BICC1: variants seen among roughly 807,000 people sequenced by gnomAD.
BICC1 encodes the protein protein bicaudal C homolog 1.
In BICC1, 43 loss-of-function variants were observed where a neutral mutation model predicts 111.0. The observed-to-expected ratio is 0.39, with a 90% confidence interval of 0.30 to 0.50. The LOEUF is 0.50. Among genes scored for constraint, BICC1 ranks in the 20% least tolerant of loss-of-function variants. The probability of loss-of-function intolerance (pLI) is 0.88; values close to 1 mark genes in which losing one functional copy is unlikely to be tolerated. For synonymous variants in BICC1, 467 were observed against 434.4 expected (o/e 1.07, Z -0.93); for missense variants, 1,091 against 1,203.2 (o/e 0.91, Z 1.38).
intron 18 of BICC1, among the ~76,000 whole-genome samples, chr10:58,814,559 T>C (rs1025762901): frequency 3.4e-5 from 5 of 148,848 alleles, no homozygotes; most frequent in African/African-American, 1.2e-4. Flanking sequence ...GGTGAGTTGA[T>C]AGCTTGAGCC....
intron 3 of BICC1, among the ~76,000 whole-genome samples, chr10:58,759,053 G>A (rs1036865717): frequency 8.6e-5 from 13 of 151,778 alleles, no homozygotes; most frequent in South Asian, 2.1e-4. Context: ...TCTGTCTCCC[G>A]GGTTCAAGTG....
intron 3 of BICC1, among the ~76,000 whole-genome samples, chr10:58,732,353 ATGTGTGTG>A (rs371077730): frequency 2.4e-5 from 2 of 82,158 alleles, no homozygotes; most frequent in East Asian, 7.5e-4. Flanking sequence ...AGAGGAGTGT[ATGTGTGTG>A]TGTGTGTGTG....
chr10:58,583,574 TTCTC>T (rs370334520), intron 1 of BICC1, among the ~76,000 whole-genome samples: 3 of 137,128 alleles, frequency 2.2e-5, no homozygotes, highest in African/African-American at 8.9e-5. Context: ...CTGAGTAGTA[TTCTC>T]TCTCTCTGTG....
chr10:58,801,408 G>A (rs1843543210), intron 14 of BICC1, among the ~76,000 whole-genome samples: 1 of 152,086 alleles, frequency 6.6e-6, no homozygotes, highest in Non-Finnish European at 1.5e-5. Flanking sequence ...ATTTGGCTTT[G>A]AATTTCTTTC....
At chr10:58,809,322 C>CT (rs1340219435) in intron 17 of BICC1, among the ~76,000 whole-genome samples, 1 of 151,940 alleles carries the variant, frequency 6.6e-6, no homozygotes, top group Non-Finnish European at 1.5e-5. Flanking sequence ...GTGTGAGGTT[C>CT]TTTTAAGTTT....
chr10:58,789,696 G>A lies in BICC1; in HGVS notation c.810G>A (p.Met270Ile). The A allele has an allele frequency of 6.2e-7, 1 of 1,614,110 alleles. No homozygotes were observed. The highest frequency in any genetic ancestry group is 1.1e-5 in the South Asian group (1 of 91,074). Reference protein sequence around the residue: ...NTSAVKEGTAMLLEHLAGSLA... With the variant: ...NTSAVKEGTAILLEHLAGSLA... Reference sequence around the variant, plus strand: ...TTTTCTCTTAGGAAGGAACTGCCATGCTGTTAGAACATCTTGCTGGGAGCT... The same window carrying A: ...TTTTCTCTTAGGAAGGAACTGCCATACTGTTAGAACATCTTGCTGGGAGCT... The change falls in exon 8 of 21, where the codon ATG becomes ATA. Residue 270 changes from methionine to isoleucine, a missense_variant. Met to Ile is a conservative substitution (Grantham distance 10). Around this residue, in one of 3 missense-constraint regions of BICC1, gnomAD observed 843 missense variants for 900.8 expected, o/e 0.94. Transcript: ENST00000373886.
chr10:58,615,886 G>A (rs985311068), intron 1 of BICC1, among the ~76,000 whole-genome samples: 1 of 152,172 alleles, frequency 6.6e-6, no homozygotes, highest in Non-Finnish European at 1.5e-5. Context: ...AGCTGCAAGT[G>A]CAAAGCCCTG....
chr10:58,795,979 C>G, intron 9 of BICC1, among the ~76,000 whole-genome samples: 1 of 152,184 alleles, frequency 6.6e-6, no homozygotes, highest in East Asian at 1.9e-4. Flanking sequence ...TTCCCATCCT[C>G]TTGCTGTCTC....
chr10:58,718,058 G>C (rs965045055), intron 3 of BICC1, among the ~76,000 whole-genome samples: 2 of 152,192 alleles, frequency 1.3e-5, no homozygotes, highest in African/African-American at 4.8e-5. Context: ...TCTGTGAATT[G>C]TTTGCCCTTC....
chr10:58,792,966 T>C (rs1380845619), intron 8 of BICC1, among the ~76,000 whole-genome samples: 1 of 152,074 alleles, frequency 6.6e-6, no homozygotes, highest in Non-Finnish European at 1.5e-5. Flanking sequence ...TAAAGGATCG[T>C]TGGGAGGCTG....
Position 58,798,457 on chromosome 10 carries a change from G to A in BICC1, c.1425G>A (p.Leu475=). 1 of 1,613,056 alleles carries A rather than the reference G, an allele frequency of 6.2e-7. No homozygotes were observed. Among genetic ancestry groups the A allele is most frequent in the South Asian group, 1.1e-5 (1 of 90,974 alleles). The change falls in exon 11 of 21, where the codon TTG becomes TTA. Residue 475 remains leucine (L), a synonymous_variant. Transcript: ENST00000373886. ...CTTCAACAACCCCAAACTCACTCTT[G>A]AATGCTCTTAATAGCTCAGTCAGTC... The part of the protein sequence containing the change: ...LNTSTTPNSL[L]NALNSSVSPL...
At chr10:58,771,522 G>A (rs2393479) in intron 3 of BICC1, among the ~76,000 whole-genome samples, 114,837 of 151,932 alleles carry the variant, frequency 0.76, 44,142 homozygotes, top group East Asian at 1. Context: ...GGAAACCAGC[G>A]GAGGTAGAGA....
intron 2 of BICC1, among the ~76,000 whole-genome samples, chr10:58,635,747 C>A (rs1014042896): frequency 6.6e-6 from 1 of 152,206 alleles, no homozygotes; most frequent in Non-Finnish European, 1.5e-5. Context: ...AAGCCTTTCT[C>A]TTGTCAACCA....
At chr10:58,678,519 A>G (rs1406094015) in intron 2 of BICC1, among the ~76,000 whole-genome samples, 1 of 152,196 alleles carries the variant, frequency 6.6e-6, no homozygotes, top group African/African-American at 2.4e-5. Context: ...CCAATACAGG[A>G]GCACCCAGAT....
At chr10:58,820,065 A>G (rs1412655764) in intron 19 of BICC1, among the ~76,000 whole-genome samples, 1 of 152,066 alleles carries the variant, frequency 6.6e-6, no homozygotes, top group African/African-American at 2.4e-5. Context: ...CCTAAGAAAT[A>G]TTTTTCTCTT....
At chr10:58,575,655 T>C (rs1259608706) in intron 1 of BICC1, among the ~76,000 whole-genome samples, 1 of 152,062 alleles carries the variant, frequency 6.6e-6, no homozygotes, top group Non-Finnish European at 1.5e-5. Flanking sequence ...ACTCCTGGAC[T>C]TAACGCGATT....
intron 8 of BICC1, among the ~76,000 whole-genome samples, 157 bp downstream of exon 8, chr10:58,790,090 T>G (rs1303002710): frequency 5.3e-5 from 8 of 152,066 alleles, no homozygotes; most frequent in African/African-American, 1.9e-4. Context: ...ACTGGAAGAG[T>G]AATAAGGTTC....
At chr10:58,683,926 TGA>T (rs1401066676) in intron 2 of BICC1, among the ~76,000 whole-genome samples, 2 of 152,202 alleles carry the variant, frequency 1.3e-5, no homozygotes, top group Non-Finnish European at 2.9e-5. Flanking sequence ...ATAGGAGTGG[TGA>T]GAGAGGGCAT....
intron 1 of BICC1, among the ~76,000 whole-genome samples, chr10:58,518,895 T>C (rs1487266277): frequency 1.3e-5 from 2 of 152,154 alleles, no homozygotes; most frequent in African/African-American, 2.4e-5. Context: ...CAGTCACTTA[T>C]CTCTATGAAG....
Sources: allele counts gnomAD v4.1 joint callset (sites outside exome capture counted in the v4.1 genomes callset), GRCh38; gene constraint gnomAD v4.1.1; regional missense constraint gnomAD v4.1.1; transcripts MANE v1.5; gene names NCBI Gene and HGNC (gene_info 2026-07-23, HGNC 2026-07-21).